Variants in ADGRV1 observed in about 807,000 individuals in gnomAD.
ADGRV1 encodes the protein G-protein coupled receptor 98.
A neutral mutation model predicts 596.2 loss-of-function variants in ADGRV1; 359 were observed. The observed-to-expected ratio is 0.60, with a 90% CI of 0.55 to 0.66. The LOEUF is 0.66. ADGRV1 is among the 30% of genes least tolerant of loss of function. ADGRV1 has a pLI of 0.00. For synonymous variants in ADGRV1, 2,681 were observed against 2,679.2 expected, an observed-to-expected ratio of 1.00 and a Z score of -0.02; for missense variants, 7,274 against 7,575.6, an observed-to-expected ratio of 0.96 and a Z score of 1.48.
At chr5:90,898,354 C>A (rs1248405575) in intron 83 of ADGRV1, among the ~76,000 whole-genome samples, 3 of 152,058 alleles carry the variant, frequency 2.0e-5, no homozygotes, top group Non-Finnish European at 2.9e-5. Flanking sequence ...ATTTCAGTCA[C>A]CATTGTTTGG....
intron 15 of ADGRV1, 129 bp downstream of exon 15, chr5:90,644,998 G>A (rs1030909469): frequency 1.5e-6 from 1 of 664,912 alleles, no homozygotes; most frequent in African/African-American, 1.9e-5. Flanking sequence ...AGGTGTGACA[G>A]TGTCTGACCA....
At chr5:90,682,030 C>T (rs1318071378) in intron 27 of ADGRV1, among the ~76,000 whole-genome samples, 9 of 152,038 alleles carry the variant, frequency 5.9e-5, no homozygotes, top group African/African-American at 2.2e-4. Context: ...CCACGCCCGG[C>T]TAATTTTGTA....
chr5:90,896,347 T>C (rs1158104034), intron 83 of ADGRV1, among the ~76,000 whole-genome samples: 1 of 137,574 alleles, frequency 7.3e-6, no homozygotes. Context: ...TGCAGCTTAC[T>C]GTGGCCTCAA....
rs766844328 is a variant in ADGRV1 at position 90,694,115 on chromosome 5, A to C, written c.7359A>C (p.Ser2453=). ...AGGAACAAGCTTGCTCAGCGTTTTC[A>C]TTTTTCAGTGCTTCTGAGGGTCCCC... The part of the protein sequence containing the change: ...CLKEQACSAF[S]FFSASEGPQC... Residue 2453 remains serine (S), a synonymous_variant, in exon 33 of 90, where the codon TCA becomes TCC. Transcript: ENST00000405460. The C allele has an allele frequency of 5.6e-6, 9 of 1,613,590 alleles. No homozygotes were observed. The highest frequency in any genetic ancestry group is 7.6e-6 in the Non-Finnish European group (9 of 1,179,830).
chr5:91,122,659 C>G (rs1279434597), intron 87 of ADGRV1, among the ~76,000 whole-genome samples: 1 of 152,198 alleles, frequency 6.6e-6, no homozygotes, highest in East Asian at 1.9e-4. Flanking sequence ...AGAGGGTAGG[C>G]TGGCAAAATG....
At chr5:91,098,394 A>G (rs1165031422) in intron 86 of ADGRV1, among the ~76,000 whole-genome samples, 1 of 152,108 alleles carries the variant, frequency 6.6e-6, no homozygotes, top group African/African-American at 2.4e-5. Context: ...AACGTAGCTT[A>G]AGTTTCAGGT....
At chr5:91,013,252 G>A (rs893958060) in intron 85 of ADGRV1, among the ~76,000 whole-genome samples, 5 of 151,984 alleles carry the variant, frequency 3.3e-5, no homozygotes, top group African/African-American at 7.2e-5. Flanking sequence ...CCAGTTGAAT[G>A]ATAGATCTGC....
intron 53 of ADGRV1, among the ~76,000 whole-genome samples, chr5:90,752,496 A>G (rs1292775691): frequency 6.6e-6 from 1 of 151,954 alleles, no homozygotes; most frequent in African/African-American, 2.4e-5. Flanking sequence ...GTTTCCCTCT[A>G]TGCGTCCATG....
At position 90,697,778 on chromosome 5, in the gene ADGRV1, G is replaced by A. The variant is rs753693493; in HGVS notation, c.8155+632G>A. On this transcript the variant is annotated intron_variant, in intron 34 of 89. Coordinates refer to ENST00000405460, the MANE Select transcript of ADGRV1 (RefSeq NM_032119.4). Reference sequence around the variant, plus strand: ...TTTTGTGTGTTTAAAACATAACAGTGTTTTTGTCTTCGAGTAAGCCTGTTT... The same window carrying A: ...TTTTGTGTGTTTAAAACATAACAGTATTTTTGTCTTCGAGTAAGCCTGTTT... Among the ~76,000 whole-genome samples the A allele has an allele frequency of 3.0e-4, 45 of 152,104 alleles. 1 individual carries two copies. The highest frequency in any genetic ancestry group is 2.0e-4 in the Admixed American group (3 of 15,284).
rs1462812916 is a variant in ADGRV1, at chr5:90,854,100, C to T, written c.17493C>T (p.Leu5831=). 8 of 1,583,978 alleles carry T rather than the reference C, an allele frequency of 5.1e-6. No homozygotes were observed. The highest frequency in any genetic ancestry group is 6.9e-6 in the Non-Finnish European group (8 of 1,161,212). ...GTGTGAAAGGTCAGAGTTCACAACT[C>T]CTGACTAATGACAATGAGGTTCTCT... ...SLSVKGQSSQ[L]LTNDNEVLYR... The change falls in exon 81 of 90, where the codon CTC becomes CTT. Residue 5831 remains leucine (L), a synonymous_variant. Coordinates refer to ENST00000405460, the MANE Select transcript of ADGRV1 (RefSeq NM_032119.4).
intron 86 of ADGRV1, among the ~76,000 whole-genome samples, chr5:91,075,584 G>A (rs891982587): frequency 6.6e-6 from 1 of 152,102 alleles, no homozygotes; most frequent in African/African-American, 2.4e-5. Context: ...CCCTATTGTT[G>A]TGTTACAAAT....
At chr5:91,143,717 AGGCTTCAG>A (rs1340484139) in intron 87 of ADGRV1, among the ~76,000 whole-genome samples, 1 of 152,108 alleles carries the variant, frequency 6.6e-6, no homozygotes, top group Non-Finnish European at 1.5e-5. Flanking sequence ...CCTGGCCCCC[AGGCTTCAG>A]GCCTTCCCCA....
At chr5:90,928,549 G>A (rs1222826766) in intron 83 of ADGRV1, among the ~76,000 whole-genome samples, 1 of 150,142 alleles carries the variant, frequency 6.7e-6, no homozygotes, top group Non-Finnish European at 1.5e-5. Context: ...TTTTTTCAAA[G>A]TTTTCAACTT....
intron 31 of ADGRV1, 112 bp downstream of exon 31, chr5:90,691,153 G>A: frequency 7.5e-7 from 1 of 1,329,542 alleles, no homozygotes; most frequent in East Asian, 2.3e-5. Context: ...AATTATTCCT[G>A]CAAGAATGTT....
At chr5:91,028,745 T>TG (rs1280565082) in intron 85 of ADGRV1, among the ~76,000 whole-genome samples, 2 of 149,364 alleles carry the variant, frequency 1.3e-5, no homozygotes, top group African/African-American at 4.9e-5. Context: ...TTTTTTTTTT[T>TG]TTTTTTTTTT....
At chr5:90,633,158 T>C (rs1765714688) in intron 9 of ADGRV1, among the ~76,000 whole-genome samples, 1 of 152,146 alleles carries the variant, frequency 6.6e-6, no homozygotes, top group South Asian at 2.1e-4. Context: ...TCTTTATGAA[T>C]GAATAGAGCA....
At chr5:90,863,350 A>G (rs1767785902) in intron 82 of ADGRV1, among the ~76,000 whole-genome samples, 1 of 152,226 alleles carries the variant, frequency 6.6e-6, no homozygotes, top group African/African-American at 2.4e-5. Context: ...GTTTAAGTTA[A>G]AAGTCATTGT....
chr5:90,745,238 T>C lies in ADGRV1; in HGVS notation c.10742T>C (p.Ile3581Thr), dbSNP rs891290120. The change falls in exon 51 of 90, where the codon ATT becomes ACT. Residue 3581 changes from isoleucine (I) to threonine (T), a missense_variant. By Grantham distance (89) the Ile-to-Thr change is moderately conservative. Coordinates refer to ENST00000405460, the MANE Select transcript of ADGRV1 (RefSeq NM_032119.4). ...TCACATATATATGAGCTAGCCTACA[T>C]TTCCAGCCATTCTGACTTTATTCCT... The part of the protein sequence containing the change: ...AHSHIYELAY[I>T]SSHSDFIPSS... 6.2e-7 allele frequency: 1 copy of C among 1,601,092 alleles called. No individual in the cohort carries two copies.
chr5:90,811,727 CT>C (rs78107294), intron 74 of ADGRV1, among the ~76,000 whole-genome samples: 4,263 of 139,080 alleles, frequency 0.031, 259 homozygotes, highest in East Asian at 0.29. Flanking sequence ...GCAGGAAATT[CT>C]TTTTTTTTTT....
Sources: gnomAD v4.1 joint callset for allele counts (sites outside exome capture counted in the v4.1 genomes callset) on GRCh38, gnomAD v4.1.1 for gene constraint, MANE v1.5 for transcripts, NCBI Gene and HGNC (gene_info 2026-07-23, HGNC 2026-07-21) for gene names.